MAPK4: variants seen among roughly 807,000 people sequenced by gnomAD.
MAPK4 encodes mitogen-activated protein kinase 4.
In MAPK4, 22 loss-of-function variants were observed where a neutral mutation model predicts 47.7. That is an observed-to-expected ratio of 0.46 (90% CI 0.33 to 0.66). The LOEUF is 0.66. Among genes scored for constraint, MAPK4 ranks in the 30% least tolerant of loss-of-function variants. MAPK4 has a pLI of 0.02. For synonymous variants in MAPK4, 390 were observed against 365.7 expected (o/e 1.07, Z -0.76); for missense variants, 736 against 831.7 (o/e 0.88, Z 1.42).
Position 50,664,133 on chromosome 18 carries a change from A to G in MAPK4, c.175A>G (p.Met59Val). Residue 59 changes from methionine to valine, a missense_variant, in exon 2 of 6, where the codon ATG becomes GTG. Physicochemically the swap from Met to Val is conservative, Grantham distance 21 (BLOSUM62 1). Coordinates refer to ENST00000400384, the MANE Select transcript of MAPK4 (RefSeq NM_002747.4). This position sits in a 1 kb window ranked among gnomAD's most constrained non-coding sequence, Gnocchi z 6.0. ...KKIALSDARS[M>V]KHALREIKII... ...GATTGCCCTGAGCGATGCCCGCAGCATGAAGCACGCGCTCCGAGAGATCAA... is the reference window on the plus strand; with the variant it reads ...GATTGCCCTGAGCGATGCCCGCAGCGTGAAGCACGCGCTCCGAGAGATCAA... 6.2e-7 allele frequency: 1 copy of G among 1,614,170 alleles called. No individual in the cohort carries two copies. Among genetic ancestry groups the G allele is most frequent in the South Asian group, 1.1e-5 (1 of 91,074 alleles).
intron 1 of MAPK4, among the ~76,000 whole-genome samples, chr18:50,652,023 A>G (rs2043055475): frequency 6.6e-6 from 1 of 152,168 alleles, no homozygotes; most frequent in Non-Finnish European, 1.5e-5. Context: ...TGTGGTCATG[A>G]CTGTACTTAT....
chr18:50,704,465 A>G (rs1205302116), intron 2 of MAPK4: 7 of 397,828 alleles, frequency 1.8e-5, no homozygotes, highest in Non-Finnish European at 2.7e-5. Flanking sequence ...TGGGTGACAA[A>G]GTGAGACCCT....
At chr18:50,637,631 G>C (rs1445054725) in intron 1 of MAPK4, among the ~76,000 whole-genome samples, 1 of 152,218 alleles carries the variant, frequency 6.6e-6, no homozygotes, top group Non-Finnish European at 1.5e-5. Flanking sequence ...GGGTGTATTT[G>C]TGTGCTGGGG....
rs959286576 is a variant in MAPK4, at chr18:50,721,966, C to T, written c.720C>T (p.Leu240=). Residue 240 remains leucine (L), a synonymous_variant, in exon 4 of 6, where the codon CTC becomes CTT. Transcript: ENST00000400384. ...AGAHELEQMQ[L]ILETIPVIRE... ...CCCATGAGCTGGAGCAGATGCAACT[C>T]ATCCTGGAGACCATCCCTGTAATCC... 3.1e-6 allele frequency: 5 copies of T among 1,614,154 alleles called. No individual in the cohort carries two copies. The Admixed American group carries it at 6.7e-5, about 22-fold the overall frequency.
At chr18:50,579,491 G>A (rs1173804255) in intron 1 of MAPK4, among the ~76,000 whole-genome samples, 1 of 152,058 alleles carries the variant, frequency 6.6e-6, no homozygotes, top group Non-Finnish European at 1.5e-5. Flanking sequence ...AAGTGGAGTG[G>A]GACAGTCCCA....
In MAPK4 at chr18:50,728,126, CTCTCCTTG is replaced by C. The variant is rs1201137667; in HGVS notation, c.1068-1031_1068-1024del. ...GTCTATCCCACACAGCCGAATCTGC[CTCTCCTTG>C]GTCTATCTGTTGGGCCTGCTCAGGG... On this transcript the variant is annotated intron_variant, in intron 5 of 5. Transcript: ENST00000400384. 2.6e-5 allele frequency among the ~76,000 whole-genome samples: 4 copies of C among 152,328 alleles called. No individual in the cohort carries two copies. The East Asian group carries it at 7.7e-4, about 29-fold the overall frequency.
At chr18:50,647,004 C>T (rs1031171466) in intron 1 of MAPK4, among the ~76,000 whole-genome samples, 2 of 152,160 alleles carry the variant, frequency 1.3e-5, no homozygotes, top group Admixed American at 6.5e-5. Context: ...CAATTTTTTG[C>T]CATTATTTGC....
chr18:50,708,538 G>A (rs1910179620), intron 2 of MAPK4, among the ~76,000 whole-genome samples: 2 of 152,156 alleles, frequency 1.3e-5, no homozygotes. Context: ...TGGAATCTGC[G>A]CTTAACCAGT....
At chr18:50,679,638 C>G (rs988297489) in intron 2 of MAPK4, among the ~76,000 whole-genome samples, 1 of 150,724 alleles carries the variant, frequency 6.6e-6, no homozygotes, top group African/African-American at 2.5e-5. Context: ...CTCCGGGAAC[C>G]TGGAACAGCA....
intron 2 of MAPK4, among the ~76,000 whole-genome samples, chr18:50,666,203 G>A (rs1021487384): frequency 4.6e-5 from 7 of 152,344 alleles, no homozygotes; most frequent in African/African-American, 1.2e-4. Flanking sequence ...TTATTGTGGC[G>A]TAAACTGGCT....
intron 1 of MAPK4, among the ~76,000 whole-genome samples, chr18:50,652,280 G>A (rs952786780): frequency 6.6e-6 from 1 of 152,184 alleles, no homozygotes; most frequent in Non-Finnish European, 1.5e-5. Context: ...AGATGCAATC[G>A]CTGGGAGAGG....
chr18:50,565,505 C>T (rs540227894), intron 1 of MAPK4, among the ~76,000 whole-genome samples: 1 of 152,254 alleles, frequency 6.6e-6, no homozygotes, highest in Admixed American at 6.5e-5. Flanking sequence ...AATACCTGAG[C>T]CTGGGATGAG....
At position 50,663,900 on chromosome 18, in the gene MAPK4, C is replaced by G; in HGVS notation, c.-59C>G. 1 of 1,469,156 alleles carries G rather than the reference C, an allele frequency of 6.8e-7. No homozygotes were observed. Among genetic ancestry groups the G allele is most frequent in the South Asian group, 1.3e-5 (1 of 79,788 alleles). 91.0% of individuals were successfully genotyped at this position (1,469,156 alleles called of 1,614,324 possible). On this transcript the variant is annotated 5_prime_UTR_variant, in exon 2 of 6. Transcript: ENST00000400384. ...GCGCGAGGGAGGCCGCTAGCCGAGA[C>G]TTGGCCTTTCCTGACTGCCCCTGTG...
At chr18:50,720,750 G>C (rs1277767810) in intron 3 of MAPK4, among the ~76,000 whole-genome samples, 1 of 152,166 alleles carries the variant, frequency 6.6e-6, no homozygotes, top group Admixed American at 6.5e-5. Flanking sequence ...TTTGGAGAGA[G>C]GACCCCACAG....
At chr18:50,631,377 C>T (rs1284392349) in intron 1 of MAPK4, among the ~76,000 whole-genome samples, 7 of 151,998 alleles carry the variant, frequency 4.6e-5, no homozygotes, top group Admixed American at 3.3e-4. Context: ...TCAATGTTAA[C>T]GAATCAACAA....
At chr18:50,669,249 G>A (rs1398888046) in intron 2 of MAPK4, 3 of 152,240 alleles carry the variant, frequency 2.0e-5, no homozygotes, top group African/African-American at 2.4e-5. Context: ...GGCAGCTGAA[G>A]GATTGGAGTG....
At chr18:50,702,825 T>A (rs931585876) in intron 2 of MAPK4, among the ~76,000 whole-genome samples, 8 of 152,150 alleles carry the variant, frequency 5.3e-5, no homozygotes, top group African/African-American at 1.9e-4. Context: ...GTCCCCTGAT[T>A]CAGAGTACCA....
intron 5 of MAPK4, among the ~76,000 whole-genome samples, chr18:50,726,787 A>G (rs986774441): frequency 1.3e-5 from 2 of 151,622 alleles, no homozygotes; most frequent in Non-Finnish European, 2.9e-5. Context: ...GTAGTCCCAG[A>G]CACTGGGAAG....
intron 3 of MAPK4, among the ~76,000 whole-genome samples, chr18:50,719,843 G>A (rs532429550): frequency 5.3e-5 from 8 of 152,314 alleles, no homozygotes; most frequent in African/African-American, 9.6e-5. Flanking sequence ...GGTCGCAATC[G>A]CTTTCAGGTT....
Sources: gnomAD v4.1 joint callset for allele counts (sites outside exome capture counted in the v4.1 genomes callset) on GRCh38, gnomAD v4.1.1 for gene constraint, Gnocchi (gnomAD v3.1) non-coding constraint, MANE v1.5 for transcripts, NCBI Gene and HGNC (gene_info 2026-07-23, HGNC 2026-07-21) for gene names.